The following MCF2L variants were observed in gnomAD, a reference collection of about 807,000 sequenced individuals.
MCF2L encodes the protein MCF.2 cell line derived transforming sequence like.
A neutral mutation model predicts 153.4 loss-of-function variants in MCF2L; 97 were observed. The observed-to-expected ratio is 0.63, with a 90% confidence interval of 0.54 to 0.75. The LOEUF is 0.75. Among genes scored for constraint, MCF2L ranks in the 30% least tolerant of loss-of-function variants. The pLI is 0.00. For missense variants in MCF2L, 1,347 were observed against 1,495.2 expected (o/e 0.90, Z 1.64); for synonymous variants, 659 against 632.2 (o/e 1.04, Z -0.64).
rs1406171841 is a variant in MCF2L, at chr13:112,951,216, G to A, written c.169+48845G>A. 6.6e-6 allele frequency among the ~76,000 whole-genome samples: 1 copy of A among 152,172 alleles called. No individual in the cohort carries two copies. The highest frequency in any genetic ancestry group is 1.5e-5 in the Non-Finnish European group (1 of 68,034). On this transcript the variant is annotated intron_variant, in intron 2 of 29. Coordinates refer to the MCF2L transcript ENST00000375608. The surrounding 1 kb of genome is among the most constrained non-coding windows in gnomAD (Gnocchi z 4.8). ...TAGTGCCAACTTCGAATGCTGGCAGGGATGTGGATAAACTGGGTTACTCCT... is the reference window on the plus strand; with the variant it reads ...TAGTGCCAACTTCGAATGCTGGCAGAGATGTGGATAAACTGGGTTACTCCT...
chr13:112,900,621 TTG>T (rs2081110583), intron 1 of MCF2L, among the ~76,000 whole-genome samples: 3 of 151,718 alleles, frequency 2.0e-5, no homozygotes, highest in South Asian at 2.1e-4. Context: ...GCTGTGGAGC[TTG>T]TGTGTTGGGG....
At position 113,082,451 on chromosome 13, in the gene MCF2L, C is replaced by T. The variant is rs1178196080; in HGVS notation, c.1900C>T (p.Pro634Ser). 1.9e-6 allele frequency: 3 copies of T among 1,613,908 alleles called. No homozygotes were observed. The highest frequency in any genetic ancestry group is 1.1e-5 in the South Asian group (1 of 91,078). ...LEGYAAEMDN[P>S]LMAHLLSTGL... ...GGGCTACGCCGCGGAGATGGATAACCCACTGATGGCTCACCTCCTGTCAAC... is the reference window on the plus strand; with the variant it reads ...GGGCTACGCCGCGGAGATGGATAACTCACTGATGGCTCACCTCCTGTCAAC... Residue 634 changes from proline to serine, a missense_variant, in exon 17 of 30, where the codon CCA (proline) becomes TCA (serine). By Grantham distance (74) the Pro-to-Ser change is moderately conservative. Transcript: ENST00000535094.
intron 1 of MCF2L, among the ~76,000 whole-genome samples, chr13:113,006,369 C>A (rs575019821): frequency 3.9e-5 from 6 of 152,304 alleles, no homozygotes; most frequent in African/African-American, 1.4e-4. Flanking sequence ...TAGGTCCTCG[C>A]GAGGACTCAC....
intron 1 of MCF2L, among the ~76,000 whole-genome samples, chr13:112,999,078 C>T (rs1163443597): frequency 6.6e-6 from 1 of 152,318 alleles, no homozygotes; most frequent in South Asian, 2.1e-4. Flanking sequence ...TGTGGCCCCC[C>T]AGGGACACAG....
intron 4 of MCF2L, among the ~76,000 whole-genome samples, chr13:113,058,442 GTGTT>G (rs2030684318): frequency 6.7e-6 from 1 of 150,352 alleles, no homozygotes; most frequent in South Asian, 2.1e-4. Context: ...TGAGTGCTGT[GTGTT>G]TGGGTGCTGA....
At chr13:112,901,400 G>A (rs2081118211) in intron 1 of MCF2L, among the ~76,000 whole-genome samples, 3 of 152,268 alleles carry the variant, frequency 2.0e-5, no homozygotes, top group African/African-American at 2.4e-5. Flanking sequence ...GTGATTCGCC[G>A]GCGTCGGCCT....
At chr13:112,896,139 T>G (rs2081065695) in intron 1 of MCF2L, among the ~76,000 whole-genome samples, 1 of 152,244 alleles carries the variant, frequency 6.6e-6, no homozygotes, top group Admixed American at 6.5e-5. Flanking sequence ...CTTCAGGGCC[T>G]GCAGGCACAG....
chr13:112,938,824 C>A (rs1256367623), intron 2 of MCF2L, among the ~76,000 whole-genome samples: 1 of 152,020 alleles, frequency 6.6e-6, no homozygotes, highest in Non-Finnish European at 1.5e-5. Flanking sequence ...TGTGGCCAGG[C>A]AGGAGAGCTG....
intron 1 of MCF2L, among the ~76,000 whole-genome samples, chr13:113,013,507 G>A (rs941772926): frequency 5.3e-5 from 8 of 152,224 alleles, no homozygotes; most frequent in South Asian, 2.1e-4. Flanking sequence ...ACTGTGTCCC[G>A]TGTTTACACT....
Position 113,097,051 on chromosome 13 carries a change from C to G in MCF2L, c.*192C>G, listed in dbSNP as rs949615411. 1 of 390,194 alleles carries G rather than the reference C, an allele frequency of 2.6e-6. No individual in the cohort carries two copies. Among genetic ancestry groups the G allele is most frequent in the Admixed American group, 4.7e-5 (1 of 21,426 alleles). The allele number at this position is 390,194 out of a possible 1,614,324, so 24.2% of individuals were successfully genotyped here. ...AGACCCCGGCCCGCTGGGGCTTCCCCGGAGACTCCAGAGCCCACAGAGGAG... is the reference window on the plus strand; with the variant it reads ...AGACCCCGGCCCGCTGGGGCTTCCCGGGAGACTCCAGAGCCCACAGAGGAG... On this transcript the variant is annotated 3_prime_UTR_variant, in exon 30 of 30. Transcript: ENST00000535094.
rs149372771 is a variant in MCF2L at position 113,060,671 on chromosome 13, G to A, written c.448G>A (p.Ala150Thr). ...TTTCCAAAGGACTCTCTCCGACATC[G>A]CTTTCAAATTCAATAGAGATGACTT... ...GFFQRTLSDI[A>T]FKFNRDDFKM... The change falls in exon 5 of 30, where the codon GCT (alanine) becomes ACT (threonine). Residue 150 changes from alanine (A) to threonine (T), a missense_variant. Physicochemically the swap from Ala to Thr is moderately conservative, Grantham distance 58. Coordinates refer to ENST00000535094, the MANE Select transcript of MCF2L (RefSeq NM_001112732.3). 8.4e-5 allele frequency: 136 copies of A among 1,613,546 alleles called. 1 individual carries two copies. Among genetic ancestry groups the A allele is most frequent in the East Asian group, 2.5e-4 (11 of 44,862 alleles).
intron 2 of MCF2L, among the ~76,000 whole-genome samples, chr13:112,952,090 G>A (rs2081700302): frequency 6.6e-6 from 1 of 152,190 alleles, no homozygotes; most frequent in Non-Finnish European, 1.5e-5. Context: ...TGTCAAAGTA[G>A]GTTAATTCAA....
chr13:113,058,346 T>G (rs2030650621), intron 4 of MCF2L, among the ~76,000 whole-genome samples: 1 of 150,562 alleles, frequency 6.6e-6, no homozygotes, highest in Non-Finnish European at 1.5e-5. Context: ...GAGTGGGTGC[T>G]GTGTGTTTGG....
rs561670925 is a variant in MCF2L, at chr13:112,979,287, G to C, written c.79+9829G>C. On this transcript the variant is annotated intron_variant, in intron 1 of 29. Coordinates refer to ENST00000535094, the MANE Select transcript of MCF2L (RefSeq NM_001112732.3). Reference sequence around the variant, plus strand: ...GGAGGTCCAGCCCACGCAAGCCCCCGCCCTGTTCGAGGAAGGAAAGGCCCA... The same window carrying C: ...GGAGGTCCAGCCCACGCAAGCCCCCCCCCTGTTCGAGGAAGGAAAGGCCCA... The C allele has an allele frequency of 4.5e-6, 5 of 1,118,512 alleles. No individual in the cohort carries two copies. The East Asian group carries it at 2.9e-4, about 64-fold the overall frequency. 69.3% of individuals were successfully genotyped at this position (1,118,512 alleles called of 1,614,324 possible). A position where few individuals can be genotyped will look rare whatever the true frequency, so the allele number is the denominator to read the frequency against.
At chr13:112,909,253 A>C in intron 2 of MCF2L, 4 of 779,722 alleles carry the variant, frequency 5.1e-6, no homozygotes, top group Non-Finnish European at 9.6e-6. Flanking sequence ...ATTCCAGCAG[A>C]GGTCTCGGCA....
At chr13:113,076,361 T>C (rs2033478799) in intron 12 of MCF2L, among the ~76,000 whole-genome samples, 1 of 152,022 alleles carries the variant, frequency 6.6e-6, no homozygotes, top group African/African-American at 2.4e-5. Context: ...GCCTCCCAGG[T>C]TCAAGCAATT....
chr13:112,926,471 A>G (rs1317111773), intron 2 of MCF2L, among the ~76,000 whole-genome samples: 1 of 152,024 alleles, frequency 6.6e-6, no homozygotes, highest in Non-Finnish European at 1.5e-5. Context: ...CCTGGTCTAT[A>G]TACACAGCGG....
At position 113,082,352 on chromosome 13, in the gene MCF2L, C is replaced by T. The variant is rs1035627311; in HGVS notation, c.1876-75C>T. 28 of 843,928 alleles carry T rather than the reference C, an allele frequency of 3.3e-5. 1 individual carries two copies. The highest frequency in any genetic ancestry group is 6.0e-4 in the Middle Eastern group (2 of 3,358). The allele number at this position is 843,928 out of a possible 1,614,324, so 52.3% of individuals were successfully genotyped here. A position where few individuals can be genotyped will look rare whatever the true frequency, so the allele number is the denominator to read the frequency against. ...GGGCTGGCCTGGCCCACAGATGAGC[C>T]GGCATCCCTGGCCCACCTGCCCCCC... is the stretch of plus-strand genomic sequence containing the variant. On this transcript the variant is annotated intron_variant, in intron 16 of 29. Coordinates refer to ENST00000535094, the MANE Select transcript of MCF2L (RefSeq NM_001112732.3).
intron 5 of MCF2L, among the ~76,000 whole-genome samples, chr13:113,063,113 T>C (rs1011037452): frequency 6.6e-6 from 1 of 152,224 alleles, no homozygotes; most frequent in Non-Finnish European, 1.5e-5. Flanking sequence ...GTGTGGAGTT[T>C]TGTGCACCTC....
Sources: allele counts gnomAD v4.1 joint callset (sites outside exome capture counted in the v4.1 genomes callset), GRCh38; gene constraint gnomAD v4.1.1; non-coding constraint Gnocchi (gnomAD v3.1); transcripts MANE v1.5; gene names NCBI Gene and HGNC (gene_info 2026-07-23, HGNC 2026-07-21).